Variants in PMS1 observed in about 807,000 individuals in gnomAD.
PMS1 encodes PMS1 homolog 1, mismatch repair system component.
In PMS1, 79 loss-of-function variants were observed where a neutral mutation model predicts 93.1. The ratio of observed to expected loss-of-function variants is 0.85; its 90% CI spans 0.71 to 1.02. PMS1 has a LOEUF of 1.02. Among genes scored for constraint, PMS1 ranks in the 50% least tolerant of loss-of-function variants. PMS1 has a pLI of 0.00. For missense variants in PMS1, 1,064 were observed against 1,085.3 expected, an observed-to-expected ratio of 0.98 and a Z score of 0.28; for synonymous variants, 335 against 363.4, an observed-to-expected ratio of 0.92 and a Z score of 0.89.
intron 9 of PMS1, among the ~76,000 whole-genome samples, chr2:189,856,546 A>G (rs951078575): frequency 6.6e-6 from 1 of 152,144 alleles, no homozygotes; most frequent in Non-Finnish European, 1.5e-5. Context: ...TAAGGTTCAC[A>G]CAATTGTGAT....
chr2:189,819,420 T>C (rs1484592498), intron 5 of PMS1, among the ~76,000 whole-genome samples: 1 of 152,224 alleles, frequency 6.6e-6, no homozygotes, highest in Non-Finnish European at 1.5e-5. Context: ...CTTGGTCAAA[T>C]AGTAGCTCTA....
At chr2:189,868,258 CAT>C (rs1427584588) in intron 11 of PMS1, among the ~76,000 whole-genome samples, 1 of 152,126 alleles carries the variant, frequency 6.6e-6, no homozygotes, top group Non-Finnish European at 1.5e-5. Context: ...AAAACACAAA[CAT>C]GTAGGATATT....
At chr2:189,822,558 G>C (rs1201268219) in intron 5 of PMS1, among the ~76,000 whole-genome samples, 1 of 152,144 alleles carries the variant, frequency 6.6e-6, no homozygotes, top group Non-Finnish European at 1.5e-5. Flanking sequence ...TGTTACAGTT[G>C]TAGAAGATGT....
chr2:189,868,729 G>A (rs377234898), intron 11 of PMS1, among the ~76,000 whole-genome samples: 1 of 152,174 alleles, frequency 6.6e-6, no homozygotes, highest in African/African-American at 2.4e-5. Context: ...ATGAAAATAA[G>A]TAAAAACAAT....
In PMS1 at chr2:189,864,060, G is replaced by A. The variant is rs1165750124; in HGVS notation, c.2174G>A (p.Cys725Tyr). The change falls in exon 10 of 13, where the codon TGC becomes TAC. Residue 725 changes from cysteine (C) to tyrosine (Y), a missense_variant. Physicochemically the swap from Cys to Tyr is radical, Grantham distance 194. Transcript: ENST00000441310. ...GACTTAGAAGAGAAGGATGAACCTT[G>A]CTTGATCCACAATCTCAGGTTTCCT... is the stretch of plus-strand genomic sequence containing the variant. ...KVDLEEKDEPCLIHNLRFPDA... is the reference protein window; with the variant it reads ...KVDLEEKDEPYLIHNLRFPDA... 3 of 1,613,286 alleles carry A rather than the reference G, an allele frequency of 1.9e-6. No homozygotes were observed. The highest frequency in any genetic ancestry group is 1.3e-5 in the African/African-American group (1 of 74,856).
intron 3 of PMS1, among the ~76,000 whole-genome samples, chr2:189,802,212 C>T (rs1157951518): frequency 2.0e-5 from 3 of 152,174 alleles, no homozygotes; most frequent in African/African-American, 4.8e-5. Flanking sequence ...CCCACCACTT[C>T]GCTATGCAGT....
intron 3 of PMS1, among the ~76,000 whole-genome samples, chr2:189,796,216 G>C (rs2049338880): frequency 6.6e-6 from 1 of 151,940 alleles, no homozygotes; most frequent in Non-Finnish European, 1.5e-5. Context: ...AAATTAGCTG[G>C]GTATGGTGCC....
intron 5 of PMS1, among the ~76,000 whole-genome samples, chr2:189,820,196 C>T (rs192956265): frequency 1.3e-5 from 2 of 152,206 alleles, no homozygotes; most frequent in African/African-American, 4.8e-5. Flanking sequence ...GAATGGAATT[C>T]AGATAGGTTT....
At chr2:189,846,065 C>T (rs1052088829) in intron 6 of PMS1, among the ~76,000 whole-genome samples, 1 of 152,042 alleles carries the variant, frequency 6.6e-6, no homozygotes, top group African/African-American at 2.4e-5. Context: ...GTAACTTCCA[C>T]AGAAAGAGGG....
At chr2:189,840,049 G>A (rs1284506600) in intron 5 of PMS1, among the ~76,000 whole-genome samples, 3 of 151,944 alleles carry the variant, frequency 2.0e-5, no homozygotes, top group African/African-American at 7.3e-5. Context: ...TATACACATT[G>A]AACCTATACC....
At chr2:189,853,867 G>A (rs552907713) in intron 7 of PMS1, 72 bp from the exon 8 acceptor site, 2 of 960,608 alleles carry the variant, frequency 2.1e-6, no homozygotes, top group South Asian at 1.6e-5. Flanking sequence ...TTTCTCAGTT[G>A]AATTTGCTGG....
chr2:189,873,332 T>C (rs921930867), intron 11 of PMS1, among the ~76,000 whole-genome samples, 164 bp from the exon 12 acceptor site: 1 of 152,252 alleles, frequency 6.6e-6, no homozygotes, highest in African/African-American at 2.4e-5. Flanking sequence ...TGTGAGACCC[T>C]ATGGGAAATT....
In PMS1 at chr2:189,831,181, A is replaced by G. The variant is rs544276501; in HGVS notation, c.583-12783A>G. Among the ~76,000 whole-genome samples the G allele has an allele frequency of 1.8e-4, 28 of 152,344 alleles. No individual in the cohort carries two copies. In the South Asian group the frequency reaches 4.6e-3, roughly 25 times the overall value. ...AGAGGCAGTGAAGAAGTTTCTTTAAATGAGTTGGTATTTAATATGAGAGAA... is the reference window on the plus strand; with the variant it reads ...AGAGGCAGTGAAGAAGTTTCTTTAAGTGAGTTGGTATTTAATATGAGAGAA... On this transcript the variant is annotated intron_variant, in intron 5 of 12. Coordinates refer to ENST00000441310, the MANE Select transcript of PMS1 (RefSeq NM_000534.5).
intron 12 of PMS1, among the ~76,000 whole-genome samples, chr2:189,876,970 T>TACAATC (rs2057626678): frequency 6.6e-6 from 1 of 152,120 alleles, no homozygotes; most frequent in Admixed American, 6.5e-5. Flanking sequence ...TTTCCAACTC[T>TACAATC]ACAATCACTC....
intron 5 of PMS1, among the ~76,000 whole-genome samples, chr2:189,835,560 G>T (rs1206177836): frequency 2.0e-5 from 3 of 152,052 alleles, no homozygotes; most frequent in Non-Finnish European, 4.4e-5. Flanking sequence ...AAGTACATAC[G>T]CAGGAGTAAA....
intron 1 of PMS1, among the ~76,000 whole-genome samples, chr2:189,786,038 T>G (rs1414653843): frequency 6.6e-6 from 1 of 152,052 alleles, no homozygotes; most frequent in Non-Finnish European, 1.5e-5. Flanking sequence ...GACAGGAGAA[T>G]TGCTTGAACC....
chr2:189,865,202 A>C (rs1437770866), intron 10 of PMS1, among the ~76,000 whole-genome samples: 3 of 152,054 alleles, frequency 2.0e-5, no homozygotes, highest in Non-Finnish European at 4.4e-5. Context: ...TTTTTTAAAA[A>C]ATTTATATTT....
intron 4 of PMS1, among the ~76,000 whole-genome samples, chr2:189,816,712 G>C (rs1212333056): frequency 5.3e-5 from 8 of 152,044 alleles, no homozygotes; most frequent in Admixed American, 5.2e-4. Flanking sequence ...TTACACTACA[G>C]TTTCAAAGTC....
chr2:189,793,049 A>G (rs1289295421), intron 2 of PMS1, among the ~76,000 whole-genome samples: 1 of 152,106 alleles, frequency 6.6e-6, no homozygotes, highest in Non-Finnish European at 1.5e-5. Flanking sequence ...ACCTCAGGTG[A>G]TCCGCCCACC....
Sources: allele counts gnomAD v4.1 joint callset (sites outside exome capture counted in the v4.1 genomes callset), GRCh38; gene constraint gnomAD v4.1.1; transcripts MANE v1.5; gene names NCBI Gene and HGNC (gene_info 2026-07-23, HGNC 2026-07-21).